The following BTBD1 variants were observed in gnomAD, a reference collection of about 807,000 sequenced individuals.
BTBD1 encodes BTB domain containing 1, also known as BTB/POZ domain-containing protein 1.
In BTBD1, 34 loss-of-function variants were observed where a neutral mutation model predicts 48.0. The observed-to-expected ratio is 0.71, with a 90% CI of 0.54 to 0.94. BTBD1 has a LOEUF of 0.94. Ranked by LOEUF, BTBD1 falls within the 40% of genes least tolerant of loss-of-function variation. BTBD1 has a pLI of 0.00. For missense variants in BTBD1, 543 were observed against 625.6 expected (o/e 0.87, Z 1.41); for synonymous variants, 261 against 242.1 (o/e 1.08, Z -0.72).
intron 1 of BTBD1, among the ~76,000 whole-genome samples, chr15:83,057,598 T>C (rs1183583225): frequency 6.6e-6 from 1 of 152,260 alleles, no homozygotes; most frequent in African/African-American, 2.4e-5. Context: ...CTAAGAATGC[T>C]TGCTTCTTTC....
In BTBD1 at chr15:83,030,343, A is replaced by C. The variant is rs1456899288; in HGVS notation, c.863-15T>G. 6.3e-7 allele frequency: 1 copy of C among 1,587,590 alleles called. No homozygotes were observed. On this transcript the variant is annotated splice_polypyrimidine_tract_variant and intron_variant, in intron 4 of 7. Transcript: ENST00000261721. Reference sequence around the variant, plus strand: ...TTGAGCAGGACCTGTGGAAATAAAAACATAAGCCTAAAAAAAGGAATTTGA... The same window carrying C: ...TTGAGCAGGACCTGTGGAAATAAAACCATAAGCCTAAAAAAAGGAATTTGA...
chr15:83,056,152 G>A (rs534880681), intron 2 of BTBD1, among the ~76,000 whole-genome samples: 173 of 152,084 alleles, frequency 1.1e-3, no homozygotes, highest in African/African-American at 3.9e-3. Context: ...TGATCTACCC[G>A]CTTCAGCATT....
chr15:83,056,799 G>T (rs1347277899), intron 1 of BTBD1, among the ~76,000 whole-genome samples: 1 of 151,528 alleles, frequency 6.6e-6, no homozygotes, highest in Admixed American at 6.6e-5. Flanking sequence ...TCTGGCTCAA[G>T]CCATCCTCCC....
chr15:83,026,044 C>T (rs2032400048), intron 5 of BTBD1, among the ~76,000 whole-genome samples: 1 of 152,202 alleles, frequency 6.6e-6, no homozygotes, highest in African/African-American at 2.4e-5. Context: ...GCTGGGATTA[C>T]AGGCATGAGC....
intron 4 of BTBD1, among the ~76,000 whole-genome samples, chr15:83,039,416 ATGG>A (rs2032695174): frequency 6.6e-6 from 1 of 152,154 alleles, no homozygotes; most frequent in African/African-American, 2.4e-5. Context: ...GTGTTCACTG[ATGG>A]TGGGAATGTA....
chr15:83,053,913 C>A (rs1304689915), intron 2 of BTBD1, among the ~76,000 whole-genome samples: 4 of 152,256 alleles, frequency 2.6e-5, no homozygotes, highest in African/African-American at 4.8e-5. Context: ...CCAGTACATT[C>A]TGCTATTATC....
intron 2 of BTBD1, among the ~76,000 whole-genome samples, chr15:83,052,599 A>T (rs144558528): frequency 0.012 from 1,800 of 150,530 alleles, 11 homozygotes; most frequent in Non-Finnish European, 0.018. Flanking sequence ...GAAGTAGTAC[A>T]TTTTTATAAA....
chr15:83,016,948 G>A lies in BTBD1; in HGVS notation c.*1119C>T, dbSNP rs2032179579. 6.6e-6 allele frequency: 1 copy of A among 152,292 alleles called. No individual in the cohort carries two copies. The highest frequency in any genetic ancestry group is 2.4e-5 in the African/African-American group (1 of 41,400). The allele number at this position is 152,292 out of a possible 1,614,324, so 9.4% of individuals were successfully genotyped here. On this transcript the variant is annotated 3_prime_UTR_variant, in exon 8 of 8. Transcript: ENST00000261721. The stretch of plus-strand genomic sequence containing the variant: ...TAAACTCCACTTTCATTTTTTATAA[G>A]AGAATCACTTTCAAGGGAAAAAAAT...
At chr15:83,059,308 G>A (rs2033140435) in intron 1 of BTBD1, among the ~76,000 whole-genome samples, 1 of 152,172 alleles carries the variant, frequency 6.6e-6, no homozygotes, top group Non-Finnish European at 1.5e-5. Flanking sequence ...CACTTTGGGA[G>A]GCAAAGGCAG....
chr15:83,052,085 T>C (rs1042602561), intron 2 of BTBD1, among the ~76,000 whole-genome samples: 2 of 152,062 alleles, frequency 1.3e-5, no homozygotes, highest in Non-Finnish European at 2.9e-5. Flanking sequence ...GCCTCCTGAG[T>C]AGCTGGGACC....
At chr15:83,044,843 A>C (rs1183609910) in intron 3 of BTBD1, 1 of 901,908 alleles carries the variant, frequency 1.1e-6, no homozygotes, top group Non-Finnish European at 1.8e-6. Context: ...GCAAATCTCC[A>C]TAGTGTTTTT....
rs12441473 is a variant in BTBD1, at chr15:83,037,988, G to A, written c.862+3740C>T. On this transcript the variant is annotated intron_variant, in intron 4 of 7. Transcript: ENST00000261721. ...AATCCCAGCTACTCGGGAGGCTGAG[G>A]CAGGAGAATCTCTTGAACCCGGGAG... Among the ~76,000 whole-genome samples the A allele has an allele frequency of 3.8e-3, 575 of 152,270 alleles. 10 individuals carry two copies. Among genetic ancestry groups the A allele is most frequent in the Admixed American group, 0.035 (528 of 15,282 alleles).
At chr15:83,020,557 AG>A in intron 6 of BTBD1, 117 bp downstream of exon 6, 1 of 688,456 alleles carries the variant, frequency 1.5e-6, no homozygotes. Flanking sequence ...AATGCTACTA[AG>A]GGGCCTTCTG....
At chr15:83,048,506 G>C (rs1212926863) in intron 3 of BTBD1, among the ~76,000 whole-genome samples, 1 of 152,156 alleles carries the variant, frequency 6.6e-6, no homozygotes, top group Non-Finnish European at 1.5e-5. Flanking sequence ...TACATTGTTA[G>C]CCTATCATTA....
At chr15:83,024,407 G>A (rs2032365496) in intron 5 of BTBD1, 1 of 152,060 alleles carries the variant, frequency 6.6e-6, no homozygotes, top group African/African-American at 2.4e-5. Context: ...TTAACTTTAT[G>A]GTGATTTTGT....
chr15:83,022,555 C>G (rs1183071156), intron 5 of BTBD1: 2 of 152,338 alleles, frequency 1.3e-5, no homozygotes, highest in Non-Finnish European at 2.9e-5. Context: ...CCTGTAATCC[C>G]AGCTATTCGG....
At chr15:83,045,084 TTTAAA>T (rs1222303387) in intron 3 of BTBD1, among the ~76,000 whole-genome samples, 4 of 152,200 alleles carry the variant, frequency 2.6e-5, no homozygotes, top group South Asian at 2.1e-4. Flanking sequence ...ATAGTTATAC[TTTAAA>T]TTAAATTTAA....
At position 83,066,896 on chromosome 15, in the gene BTBD1, C is replaced by T. The variant is rs1296316966; in HGVS notation, c.256G>A (p.Gly86Ser). 1 of 1,512,486 alleles carries T rather than the reference C, an allele frequency of 6.6e-7. No individual in the cohort carries two copies. Among genetic ancestry groups the T allele is most frequent in the South Asian group, 1.3e-5 (1 of 79,688 alleles). The allele number at this position is 1,512,486 out of a possible 1,614,324, so 93.7% of individuals were successfully genotyped here. Residue 86 changes from glycine to serine, a missense_variant, in exon 1 of 8, where the codon GGC becomes AGC. This residue lies in a region of BTBD1 where 173 missense variants were observed against 163.9 expected (regional missense o/e 1.06). Transcript: ENST00000261721. ...CGGTGGGCGGGGATGCGCTGCGGGC[C>T]CCCAGCGGCGGCGGCGCCGCGACCC... is the stretch of plus-strand genomic sequence containing the variant. ...GKGRGAAAAGGPQRIPAHRFV... is the reference protein window; with the variant it reads ...GKGRGAAAAGSPQRIPAHRFV...
chr15:83,043,213 G>C (rs948187405), intron 3 of BTBD1, among the ~76,000 whole-genome samples: 3 of 152,166 alleles, frequency 2.0e-5, no homozygotes, highest in African/African-American at 7.2e-5. Context: ...TGAAGGAAGT[G>C]GGGGAGTAAG....
Sources: allele counts gnomAD v4.1 joint callset (sites outside exome capture counted in the v4.1 genomes callset), GRCh38; gene constraint gnomAD v4.1.1; regional missense constraint gnomAD v4.1.1; transcripts MANE v1.5; gene names NCBI Gene and HGNC (gene_info 2026-07-23, HGNC 2026-07-21).